ANAPC5: variants seen among roughly 807,000 people sequenced by gnomAD.
ANAPC5 encodes anaphase promoting complex subunit 5, also known as anaphase-promoting complex subunit 5.
Under a neutral mutation model 91.3 loss-of-function variants are expected in ANAPC5, and 60 were observed. The observed-to-expected ratio is 0.66, with a 90% confidence interval of 0.53 to 0.81. The LOEUF (loss-of-function observed/expected upper bound fraction) is 0.81. Ranked by LOEUF, ANAPC5 falls within the 40% of genes least tolerant of loss-of-function variation. The pLI is 0.00. For missense variants in ANAPC5, 690 were observed against 931.5 expected (o/e 0.74, Z 3.37); for synonymous variants, 340 against 364.1 (o/e 0.93, Z 0.75).
At position 121,328,040 on chromosome 12, in the gene ANAPC5, CAGATG is replaced by C; in HGVS notation, c.1304+271_1304+275del. The C allele has an allele frequency of 1.4e-5, 5 of 345,652 alleles. No homozygotes were observed. In the East Asian group the frequency reaches 1.7e-4, roughly 12 times the overall value. 21.4% of individuals were successfully genotyped at this position (345,652 alleles called of 1,614,324 possible). On this transcript the variant is annotated intron_variant, in intron 10 of 16. Coordinates refer to ENST00000261819, the MANE Select transcript of ANAPC5 (RefSeq NM_016237.5). ...ACTGCGTTTGCGATCGCGGGTAGAT[CAGATG>C]TGTGAACCCTGGTTTACTCTCCCAG...
In ANAPC5 at chr12:121,308,301, G is replaced by T; in HGVS notation, c.*179C>A. ...AGTTGGTGTCCTTTGCTACCAAAAG[G>T]GAAGAAAAGGGGAATAAAACAAATA... On this transcript the variant is annotated 3_prime_UTR_variant, in exon 17 of 17. Coordinates refer to ENST00000261819, the MANE Select transcript of ANAPC5 (RefSeq NM_016237.5). 1 of 585,440 alleles carries T rather than the reference G, an allele frequency of 1.7e-6. No individual in the cohort carries two copies. Among genetic ancestry groups the T allele is most frequent in the Non-Finnish European group, 3.0e-6 (1 of 334,590 alleles). The allele number at this position is 585,440 out of a possible 1,614,324, so 36.3% of individuals were successfully genotyped here.
chr12:121,332,571 T>C (rs1555273027), intron 7 of ANAPC5: 1 of 86,064 alleles, frequency 1.2e-5, no homozygotes, highest in African/African-American at 3.1e-5. Flanking sequence ...ATAAGCTCTA[T>C]AACAAGTTTT....
chr12:121,321,127 T>G (rs1235735173), intron 11 of ANAPC5: 1 of 151,690 alleles, frequency 6.6e-6, no homozygotes, highest in East Asian at 2.0e-4. Flanking sequence ...CTCATGCCTG[T>G]AATCCCAGCT....
chr12:121,319,657 A>G, intron 13 of ANAPC5, 40 bp downstream of exon 13: 1 of 1,568,070 alleles, frequency 6.4e-7, no homozygotes, highest in Non-Finnish European at 8.6e-7. Flanking sequence ...CCATTTAACA[A>G]TTATTTTATT....
chr12:121,346,913 T>C lies in ANAPC5; in HGVS notation c.380A>G (p.His127Arg). The part of the protein sequence containing the change: ...DSFSGTEPEV[H>R]KTSVVGLFLR... ...TTTCATACCTACTACACTTGTTTTG[T>C]GAACCTCTGGTTCAGTTCCAGAGAA... Residue 127 changes from histidine to arginine, a missense_variant, in exon 3 of 17, where the codon CAC becomes CGC. By Grantham distance (29) the His-to-Arg change is conservative. Transcript: ENST00000261819. The C allele has an allele frequency of 6.2e-7, 1 of 1,605,694 alleles. No individual in the cohort carries two copies. The highest frequency in any genetic ancestry group is 8.5e-7 in the Non-Finnish European group (1 of 1,177,564).
intron 15 of ANAPC5, among the ~76,000 whole-genome samples, chr12:121,311,571 G>T (rs1344826602): frequency 6.6e-6 from 1 of 152,182 alleles, no homozygotes; most frequent in Non-Finnish European, 1.5e-5. Flanking sequence ...AGTATCTCAT[G>T]CCTGTAATCC....
chr12:121,326,083 G>A (rs576220120), intron 11 of ANAPC5, among the ~76,000 whole-genome samples: 1 of 152,296 alleles, frequency 6.6e-6, no homozygotes, highest in Admixed American at 6.5e-5. Context: ...TCCCAGACAT[G>A]GGAAGAAACC....
intron 11 of ANAPC5, among the ~76,000 whole-genome samples, chr12:121,322,947 C>T (rs1027005849): frequency 3.9e-5 from 6 of 152,092 alleles, no homozygotes; most frequent in Non-Finnish European, 7.4e-5. Flanking sequence ...ATCGCTTGAA[C>T]CCAGGAGGCA....
intron 9 of ANAPC5, 62 bp from the exon 10 acceptor site, chr12:121,328,559 C>G: frequency 2.0e-6 from 3 of 1,510,436 alleles, no homozygotes; most frequent in Non-Finnish European, 2.7e-6. Context: ...TTGTTTTGCT[C>G]TTCAGAAATG....
chr12:121,352,350 AGACTAAGTCTCGGGCCCGC>A lies in ANAPC5; in HGVS notation c.-29_-11del, dbSNP rs782619188. 6.3e-7 allele frequency: 1 copy of A among 1,587,192 alleles called. No individual in the cohort carries two copies. The highest frequency in any genetic ancestry group is 8.6e-7 in the Non-Finnish European group (1 of 1,163,654). On this transcript the variant is annotated 5_prime_UTR_variant, in exon 1 of 17. Transcript: ENST00000261819. ...CGTGGACGCTGGCCATGGCGGCCCGAGACTAAGTCTCGGGCCCGCGGCGCGCTGCCGCCAGTTGTCACCA... is the reference window on the plus strand; with the variant it reads ...CGTGGACGCTGGCCATGGCGGCCCGAGGCGCGCTGCCGCCAGTTGTCACCA...
intron 15 of ANAPC5, among the ~76,000 whole-genome samples, chr12:121,316,732 C>CAAAAAAAAAAAA (rs35989752): frequency 1.0e-4 from 3 of 28,976 alleles, no homozygotes; most frequent in Non-Finnish European, 1.4e-4. Flanking sequence ...GACTCTGTCT[C>CAAAAAAAAAAAA]AAAAAAAAAA....
At chr12:121,351,303 G>A (rs1555275329) in intron 1 of ANAPC5, 3 of 313,896 alleles carry the variant, frequency 9.6e-6, no homozygotes, top group South Asian at 4.7e-5. Flanking sequence ...AGCCTGAGAG[G>A]TCGAGGCTGC....
intron 5 of ANAPC5, among the ~76,000 whole-genome samples, chr12:121,338,868 G>A (rs1555273783): frequency 6.6e-6 from 1 of 151,358 alleles, no homozygotes; most frequent in Non-Finnish European, 1.5e-5. Flanking sequence ...CATATATTGT[G>A]TATACATTAC....
chr12:121,349,512 A>G (rs1404438771), intron 1 of ANAPC5, among the ~76,000 whole-genome samples: 2 of 152,036 alleles, frequency 1.3e-5, no homozygotes, highest in African/African-American at 4.8e-5. Context: ...GTAAGCTAGG[A>G]TCGCACCACG....
chr12:121,328,649 G>T, intron 9 of ANAPC5, 152 bp from the exon 10 acceptor site: 1 of 651,836 alleles, frequency 1.5e-6, no homozygotes, highest in Non-Finnish European at 2.6e-6. Flanking sequence ...CCTTAACCCT[G>T]AGCCATACGA....
intron 3 of ANAPC5, 119 bp from the exon 4 acceptor site, chr12:121,346,150 A>G (rs1432299878): frequency 3.8e-6 from 3 of 785,234 alleles, no homozygotes; most frequent in African/African-American, 3.5e-5. Context: ...AGTAAGAAAG[A>G]GACACTTGCA....
intron 16 of ANAPC5, among the ~76,000 whole-genome samples, chr12:121,309,432 T>C (rs1902070461): frequency 6.6e-6 from 1 of 151,664 alleles, no homozygotes; most frequent in African/African-American, 2.4e-5. Flanking sequence ...AGTGAGACTT[T>C]GTCTCAAAAA....
In ANAPC5 at chr12:121,340,445, G is replaced by A. The variant is rs146091696; in HGVS notation, c.657+1558C>T. On this transcript the variant is annotated intron_variant, in intron 5 of 16. Transcript: ENST00000261819. ...TGAGGTACAAGGTAAGGTAAGGAAGGATCCAGCTGTACTTTTTCCTTACAG... is the reference window on the plus strand; with the variant it reads ...TGAGGTACAAGGTAAGGTAAGGAAGAATCCAGCTGTACTTTTTCCTTACAG... Among the ~76,000 whole-genome samples, 1,036 of 152,030 alleles carry A rather than the reference G, an allele frequency of 6.8e-3. 11 individuals are homozygous for A. Among genetic ancestry groups the A allele is most frequent in the African/African-American group, 0.022 (914 of 41,454 alleles).
Position 121,352,356 on chromosome 12 carries a change from A to C in ANAPC5, c.-16T>G, listed in dbSNP as rs983356192. On this transcript the variant is annotated 5_prime_UTR_variant, in exon 1 of 17. Coordinates refer to ENST00000261819, the MANE Select transcript of ANAPC5 (RefSeq NM_016237.5). ...CGCTGGCCATGGCGGCCCGAGACTAAGTCTCGGGCCCGCGGCGCGCTGCCG... is the reference window on the plus strand; with the variant it reads ...CGCTGGCCATGGCGGCCCGAGACTACGTCTCGGGCCCGCGGCGCGCTGCCG... 16 of 1,581,218 alleles carry C rather than the reference A, an allele frequency of 1.0e-5. No individual in the cohort carries two copies. The highest frequency in any genetic ancestry group is 1.3e-5 in the Non-Finnish European group (15 of 1,160,304).
Sources: gnomAD v4.1 joint callset for allele counts (sites outside exome capture counted in the v4.1 genomes callset) on GRCh38, gnomAD v4.1.1 for gene constraint, MANE v1.5 for transcripts, NCBI Gene and HGNC (gene_info 2026-07-23, HGNC 2026-07-21) for gene names.